NKAIN2: variants seen among roughly 807,000 people sequenced by gnomAD.
NKAIN2 encodes sodium/potassium transporting ATPase interacting 2.
Under a neutral mutation model 32.6 loss-of-function variants are expected in NKAIN2, and 14 were observed. The ratio of observed to expected loss-of-function variants is 0.43; its 90% CI spans 0.28 to 0.67. NKAIN2 has a LOEUF of 0.67. Ranked by LOEUF, NKAIN2 falls within the 30% of genes least tolerant of loss-of-function variation. The pLI is 0.17. For synonymous variants in NKAIN2, 80 were observed against 87.2 expected (o/e 0.92, Z 0.46); for missense variants, 198 against 258.3 (o/e 0.77, Z 1.60).
chr6:124,603,762 A>G (rs1354546828), intron 3 of NKAIN2, among the ~76,000 whole-genome samples: 1 of 151,936 alleles, frequency 6.6e-6, no homozygotes, highest in Admixed American at 6.6e-5. Flanking sequence ...GGCTAACCAG[A>G]CTGTCCCGGG....
chr6:124,486,391 T>C (rs1777651016), intron 3 of NKAIN2, among the ~76,000 whole-genome samples: 1 of 152,200 alleles, frequency 6.6e-6, no homozygotes, highest in Non-Finnish European at 1.5e-5. Context: ...ACTCCTTTAT[T>C]TTTAATGTAT....
Position 124,283,125 on chromosome 6 carries a change from C to A in NKAIN2, c.175C>A (p.Pro59Thr). 3 of 1,607,100 alleles carry A rather than the reference C, an allele frequency of 1.9e-6. No homozygotes were observed. Among genetic ancestry groups the A allele is most frequent in the Non-Finnish European group, 2.6e-6 (3 of 1,173,834 alleles). Residue 59 changes from proline (P) to threonine (T), a missense_variant, in exon 2 of 7, where the codon CCT becomes ACT. Pro to Thr is a conservative substitution (Grantham distance 38, BLOSUM62 -1). Transcript: ENST00000368417. ...LGLFGTIQYR[P>T]RYITGYAVWL... is the part of the protein sequence containing the mutation. ...TTTGTTTGGAACTATTCAATATAGA[C>A]CTCGTTACATAACAGGAGTAAGTAC...
intron 3 of NKAIN2, among the ~76,000 whole-genome samples, chr6:124,393,787 A>C (rs1248374635): frequency 5.9e-5 from 9 of 152,266 alleles, no homozygotes; most frequent in Non-Finnish European, 1.3e-4. Context: ...TATGACCACA[A>C]AAGGAACCAT....
rs71021472 is a variant in NKAIN2 at position 123,948,597 on chromosome 6, ATTTTTTTTTTTT to A, written c.54+144364_54+144375del. On this transcript the variant is annotated intron_variant, in intron 1 of 6. Transcript: ENST00000368417. ...AAATCGTTTCCCCATCTTAAATGGGATTTTTTTTTTTTTTTTTTTTTTTTTTTTTTTTGCTGT... is the reference window on the plus strand; with the variant it reads ...AAATCGTTTCCCCATCTTAAATGGGATTTTTTTTTTTTTTTTTTTTGCTGT... 1.2e-3 allele frequency among the ~76,000 whole-genome samples: 58 copies of A among 49,314 alleles called. No individual in the cohort carries two copies. The South Asian group carries it at 0.053, about 45-fold the overall frequency. 32.4% of individuals were successfully genotyped at this position (49,314 alleles called of 152,430 possible). A position where few individuals can be genotyped will look rare whatever the true frequency, so the allele number is the denominator to read the frequency against.
intron 4 of NKAIN2, among the ~76,000 whole-genome samples, chr6:124,679,419 A>G (rs771545324): frequency 2.0e-5 from 3 of 152,110 alleles, no homozygotes; most frequent in Non-Finnish European, 4.4e-5. Flanking sequence ...GACATATTTC[A>G]GCTTTCTCCT....
At chr6:124,393,448 A>G (rs1301906222) in intron 3 of NKAIN2, among the ~76,000 whole-genome samples, 1 of 152,064 alleles carries the variant, frequency 6.6e-6, no homozygotes, top group African/African-American at 2.4e-5. Flanking sequence ...CCTGGTTTCT[A>G]ATGCTGGCAA....
intron 4 of NKAIN2, among the ~76,000 whole-genome samples, chr6:124,760,018 T>C (rs902360490): frequency 1.3e-5 from 2 of 151,998 alleles, no homozygotes; most frequent in South Asian, 2.1e-4. Flanking sequence ...GAACACCTAG[T>C]TGACTGTGTA....
intron 2 of NKAIN2, among the ~76,000 whole-genome samples, chr6:124,311,654 G>A (rs802504): frequency 0.063 from 9,633 of 152,128 alleles, 475 homozygotes; most frequent in African/African-American, 0.14. Context: ...AGTTAATAAC[G>A]TGAGAGGCAC....
At chr6:123,905,015 A>G (rs1000953675) in intron 1 of NKAIN2, among the ~76,000 whole-genome samples, 1 of 152,190 alleles carries the variant, frequency 6.6e-6, no homozygotes, top group Non-Finnish European at 1.5e-5. Flanking sequence ...GCTAATTGCT[A>G]TTCTATAATA....
At chr6:124,278,757 T>G (rs1405613414) in intron 1 of NKAIN2, among the ~76,000 whole-genome samples, 1 of 148,784 alleles carries the variant, frequency 6.7e-6, no homozygotes, top group Non-Finnish European at 1.5e-5. Flanking sequence ...ACCTGTTATA[T>G]AATATTTGGG....
chr6:124,631,407 T>G (rs924246329), intron 3 of NKAIN2, among the ~76,000 whole-genome samples: 10 of 152,212 alleles, frequency 6.6e-5, no homozygotes, highest in Admixed American at 6.5e-4. Context: ...TTTTCCTGTC[T>G]ATTTAAGTGG....
intron 3 of NKAIN2, among the ~76,000 whole-genome samples, chr6:124,558,888 G>A (rs986772889): frequency 1.3e-5 from 2 of 152,170 alleles, no homozygotes; most frequent in African/African-American, 4.8e-5. Flanking sequence ...GGTGGAGGTT[G>A]CAGTGAGCCA....
chr6:124,292,539 CTT>C (rs61460248), intron 2 of NKAIN2, among the ~76,000 whole-genome samples: 9 of 143,388 alleles, frequency 6.3e-5, no homozygotes, highest in Non-Finnish European at 4.6e-5. Flanking sequence ...GAGCAGATGA[CTT>C]TTTTTTTTTT....
chr6:123,845,045 T>C (rs907658879), intron 1 of NKAIN2, among the ~76,000 whole-genome samples: 125 of 152,356 alleles, frequency 8.2e-4, no homozygotes, highest in African/African-American at 3.0e-3. Flanking sequence ...TAAACACCAA[T>C]TGAACAGAAG....
chr6:124,245,793 C>T (rs1793365045), intron 1 of NKAIN2, among the ~76,000 whole-genome samples: 1 of 152,000 alleles, frequency 6.6e-6, no homozygotes, highest in Non-Finnish European at 1.5e-5. Flanking sequence ...GCATCACATC[C>T]TTTCTATACT....
chr6:124,609,017 A>C (rs1554233847), intron 3 of NKAIN2, among the ~76,000 whole-genome samples: 1 of 151,994 alleles, frequency 6.6e-6, no homozygotes, highest in Non-Finnish European at 1.5e-5. Context: ...GTTTGGTGAG[A>C]CTCTGTGGGA....
intron 3 of NKAIN2, among the ~76,000 whole-genome samples, chr6:124,431,471 T>C (rs914173626): frequency 6.6e-6 from 1 of 152,200 alleles, no homozygotes; most frequent in African/African-American, 2.4e-5. Context: ...GCCAGTGTTC[T>C]TAATCTTTTG....
chr6:124,558,702 C>T (rs1583437225), intron 3 of NKAIN2, among the ~76,000 whole-genome samples: 2 of 152,312 alleles, frequency 1.3e-5, no homozygotes, highest in South Asian at 4.1e-4. Context: ...AATCCCAGCA[C>T]TTTGGGAGGC....
rs762642643 is a variant in NKAIN2, at chr6:124,001,647, AATTT to A, written c.54+197399_54+197402del. Among the ~76,000 whole-genome samples, 6 of 151,836 alleles carry A rather than the reference AATTT, an allele frequency of 4.0e-5. No individual in the cohort carries two copies. The East Asian group carries it at 5.8e-4, about 15-fold the overall frequency. The stretch of plus-strand genomic sequence containing the variant: ...TGACTACTATTAGGAAGTGAAAGAA[AATTT>A]ATTTAGGTGCCAAATTGACAGTTTT... On this transcript the variant is annotated intron_variant, in intron 1 of 6. Transcript: ENST00000368417.
Sources: gnomAD v4.1 joint callset for allele counts (sites outside exome capture counted in the v4.1 genomes callset) on GRCh38, gnomAD v4.1.1 for gene constraint, MANE v1.5 for transcripts, NCBI Gene and HGNC (gene_info 2026-07-23, HGNC 2026-07-21) for gene names.